FNBP1: variants seen among roughly 807,000 people sequenced by gnomAD.
FNBP1 encodes formin binding protein 1, also known as formin-binding protein 1.
FNBP1 carries 26 observed loss-of-function variants against 90.6 expected under a neutral mutation model. That is an observed-to-expected ratio of 0.29 (90% confidence interval 0.21 to 0.40). The LOEUF (loss-of-function observed/expected upper bound fraction) is 0.40, where lower values mean the gene tolerates loss of function less well. FNBP1 is among the 10% of genes least tolerant of loss of function. FNBP1 has a pLI of 1.00. For synonymous variants in FNBP1, 260 were observed against 265.2 expected, an observed-to-expected ratio of 0.98 and a Z score of 0.19; for missense variants, 635 against 768.0, an observed-to-expected ratio of 0.83 and a Z score of 2.05.
chr9:129,993,130 G>A (rs556245050), intron 2 of FNBP1, among the ~76,000 whole-genome samples: 1 of 150,850 alleles, frequency 6.6e-6, no homozygotes, highest in South Asian at 2.1e-4. Context: ...GGAAGGCTGA[G>A]GCAGGAGAAT....
intron 13 of FNBP1, among the ~76,000 whole-genome samples, chr9:129,901,712 G>T (rs2036979638): frequency 6.6e-6 from 1 of 152,038 alleles, no homozygotes; most frequent in Admixed American, 6.6e-5. Context: ...AGGAGTTCGA[G>T]ACCAGCCTGG....
chr9:130,021,911 G>A (rs558679187), intron 1 of FNBP1, among the ~76,000 whole-genome samples: 18 of 152,306 alleles, frequency 1.2e-4, no homozygotes, highest in African/African-American at 4.3e-4. Flanking sequence ...GCCCAGGCTG[G>A]AGTGTAGTGG....
chr9:129,947,715 C>T (rs1255678002), intron 6 of FNBP1, among the ~76,000 whole-genome samples: 2 of 151,170 alleles, frequency 1.3e-5, no homozygotes, highest in Non-Finnish European at 2.9e-5. Flanking sequence ...CTCTGCCTCC[C>T]GGGTTCAAGC....
intron 15 of FNBP1, among the ~76,000 whole-genome samples, chr9:129,896,403 G>A (rs1352604252): frequency 6.6e-6 from 1 of 152,058 alleles, no homozygotes; most frequent in Non-Finnish European, 1.5e-5. Flanking sequence ...GGTTGTGGGG[G>A]ATGGAGTCTT....
At chr9:130,002,109 G>A (rs1166964492) in intron 1 of FNBP1, among the ~76,000 whole-genome samples, 1 of 149,014 alleles carries the variant, frequency 6.7e-6, no homozygotes, top group Non-Finnish European at 1.5e-5. Context: ...CAGGAGAATC[G>A]CTTGAACCTG....
chr9:129,952,610 G>C (rs2046354221), intron 6 of FNBP1, among the ~76,000 whole-genome samples: 1 of 152,146 alleles, frequency 6.6e-6, no homozygotes, highest in African/African-American at 2.4e-5. Flanking sequence ...AGATCTGCCA[G>C]GCAATGTTAA....
At chr9:129,896,606 T>C (rs1404643795) in intron 15 of FNBP1, among the ~76,000 whole-genome samples, 1 of 151,794 alleles carries the variant, frequency 6.6e-6, no homozygotes, top group Non-Finnish European at 1.5e-5. Flanking sequence ...CTGGTCTGAC[T>C]CCTGACCTTA....
chr9:129,979,013 T>A (rs1182623641), intron 3 of FNBP1, among the ~76,000 whole-genome samples: 1 of 152,228 alleles, frequency 6.6e-6, no homozygotes, highest in African/African-American at 2.4e-5. Flanking sequence ...ATGACTAGCA[T>A]GACAGGGACT....
rs2037222543 is a variant in FNBP1, at chr9:129,902,880, G to C, written c.1417C>G (p.Gln473Glu). 2.5e-6 allele frequency: 4 copies of C among 1,613,170 alleles called. No homozygotes were observed. The South Asian group carries it at 4.4e-5, about 18-fold the overall frequency. ...CAGAAGTTTCATACCTCAAATTTCT[G>C]GGTCTCTACTCGCAGTTTCTCTATA... ...QNIEKLRVET[Q>E]KFEAWLAEVE... The change falls in exon 13 of 17, where the codon CAG (glutamine) becomes GAG (glutamate). Residue 473 changes from glutamine to glutamate, a missense_variant. Gln to Glu is a conservative substitution (Grantham distance 29, BLOSUM62 2). Transcript: ENST00000446176.
At chr9:129,925,332 C>T (rs928033953) in intron 8 of FNBP1, among the ~76,000 whole-genome samples, 175 bp from the exon 9 acceptor site, 3 of 151,930 alleles carry the variant, frequency 2.0e-5, no homozygotes, top group Non-Finnish European at 2.9e-5. Flanking sequence ...TGGTGAAACC[C>T]CGTCTCTACT....
chr9:129,974,495 C>T (rs2049999160), intron 4 of FNBP1, among the ~76,000 whole-genome samples: 1 of 152,194 alleles, frequency 6.6e-6, no homozygotes, highest in Non-Finnish European at 1.5e-5. Flanking sequence ...TTTTAAATTA[C>T]AGTGGTTAGT....
At chr9:129,961,855 G>A (rs1266164706) in intron 4 of FNBP1, among the ~76,000 whole-genome samples, 1 of 152,118 alleles carries the variant, frequency 6.6e-6, no homozygotes, top group Non-Finnish European at 1.5e-5. Flanking sequence ...CAAAGTGCTG[G>A]GATTACAGGC....
At chr9:129,897,973 G>T (rs1345081707) in intron 15 of FNBP1, among the ~76,000 whole-genome samples, 1 of 152,042 alleles carries the variant, frequency 6.6e-6, no homozygotes. Flanking sequence ...GGGATTACAG[G>T]CGCCCGCCAC....
At chr9:129,908,726 T>C (rs1020564442) in intron 12 of FNBP1, among the ~76,000 whole-genome samples, 164 bp downstream of exon 12, 9 of 151,812 alleles carry the variant, frequency 5.9e-5, no homozygotes, top group African/African-American at 2.2e-4. Context: ...CTAGTTTTTA[T>C]ATTTTTAGTA....
At chr9:129,891,678 C>G (rs1406317924) in intron 16 of FNBP1, among the ~76,000 whole-genome samples, 2 of 152,114 alleles carry the variant, frequency 1.3e-5, no homozygotes, top group African/African-American at 4.8e-5. Context: ...AAAAGAAACA[C>G]AGACTTCTCA....
chr9:129,892,366 GACACACACACAC>G (rs3138855), intron 16 of FNBP1, among the ~76,000 whole-genome samples: 26,194 of 103,338 alleles, frequency 0.25, 2,934 homozygotes, highest in Non-Finnish European at 0.3. Context: ...GCACATCGTA[GACACACACACAC>G]ACACACACAC....
intron 6 of FNBP1, among the ~76,000 whole-genome samples, chr9:129,936,094 G>A (rs906123638): frequency 6.6e-6 from 1 of 152,154 alleles, no homozygotes; most frequent in African/African-American, 2.4e-5. Flanking sequence ...CTTTTCCTTT[G>A]TTGAAAGGAT....
At chr9:129,995,057 A>G (rs2053772883) in intron 1 of FNBP1, 99 bp from the exon 2 acceptor site, 1 of 689,366 alleles carries the variant, frequency 1.5e-6, no homozygotes, top group Non-Finnish European at 2.5e-6. Context: ...CATACAAAGT[A>G]GTACTAATAT....
At chr9:130,002,932 G>A (rs1174226254) in intron 1 of FNBP1, among the ~76,000 whole-genome samples, 1 of 152,170 alleles carries the variant, frequency 6.6e-6, no homozygotes, top group Non-Finnish European at 1.5e-5. Context: ...CCAAAGGTGT[G>A]TGCCAGGTGC....
Sources: gnomAD v4.1 joint callset for allele counts (sites outside exome capture counted in the v4.1 genomes callset) on GRCh38, gnomAD v4.1.1 for gene constraint, MANE v1.5 for transcripts, NCBI Gene and HGNC (gene_info 2026-07-23, HGNC 2026-07-21) for gene names.